The following POLR2F variants were observed in gnomAD, a reference collection of about 807,000 sequenced individuals.
The protein encoded by POLR2F is RNA polymerase II, I and III subunit F.
Under a neutral mutation model 22.7 loss-of-function variants are expected in POLR2F, and 12 were observed. That is an observed-to-expected ratio of 0.53 (90% CI 0.34 to 0.86). The LOEUF is 0.86. Among genes scored for constraint, POLR2F ranks in the 40% least tolerant of loss-of-function variants. The pLI is 0.02. For missense variants in POLR2F, 126 were observed against 171.5 expected, an observed-to-expected ratio of 0.73 and a Z score of 1.48; for synonymous variants, 57 against 66.0, an observed-to-expected ratio of 0.86 and a Z score of 0.66.
Position 38,009,081 on chromosome 22 carries a change from C to T in POLR2F, c.121-16788C>T, listed in dbSNP as rs143020942. On this transcript the variant is annotated intron_variant, in intron 1 of 2. Transcript: ENST00000333418. ...GAACATTCCAGACAGAAGGAACAAC[C>T]GTGCAGAGGCTCCAGGTGGGAGCGT... Among the ~76,000 whole-genome samples, 126 of 152,142 alleles carry T rather than the reference C, an allele frequency of 8.3e-4. 1 individual carries two copies. The East Asian group carries it at 0.011, about 13-fold the overall frequency.
downstream of POLR2F, among the ~76,000 whole-genome samples, chr22:38,028,934 T>A (rs1320678708): frequency 6.6e-6 from 1 of 152,212 alleles, no homozygotes; most frequent in Non-Finnish European, 1.5e-5. Context: ...AGCTCATTGA[T>A]GGGCACTTAT....
chr22:37,986,924 C>G lies in POLR2F; in HGVS notation c.120+612C>G, dbSNP rs1232739879. On this transcript the variant is annotated intron_variant, in intron 1 of 2. Coordinates refer to the POLR2F transcript ENST00000333418. This position sits in a 1 kb window ranked among gnomAD's most constrained non-coding sequence, Gnocchi z 4.7. The stretch of plus-strand genomic sequence containing the variant: ...AGGGGAGGGATCCTGGCTGAAGACA[C>G]CTGGGCCTCTGCCCCAGCAGGACAA... The G allele has an allele frequency of 2.2e-6, 1 of 452,576 alleles. No individual in the cohort carries two copies. The highest frequency in any genetic ancestry group is 1.6e-5 in the South Asian group (1 of 64,226). 28.0% of individuals were successfully genotyped at this position (452,576 alleles called of 1,614,324 possible). A position where few individuals can be genotyped will look rare whatever the true frequency, so the allele number is the denominator to read the frequency against.
intron 1 of POLR2F, among the ~76,000 whole-genome samples, chr22:37,991,284 GT>G (rs1008235865): frequency 1.3e-5 from 2 of 151,888 alleles, no homozygotes; most frequent in Non-Finnish European, 2.9e-5. Flanking sequence ...TGCCCGGCTA[GT>G]TTTTTGTATT....
At position 37,967,607 on chromosome 22, in the gene POLR2F, A is replaced by T; in HGVS notation, c.294-18A>T. On this transcript the variant is annotated intron_variant, in intron 4 of 4. Transcript: ENST00000442738. ...GGTCACCAGCCCTCATGTACTTGTG[A>T]CTTCTCCCCTGCCACAGGGCCCGAA... 1.2e-6 allele frequency: 2 copies of T among 1,612,760 alleles called. No homozygotes were observed. Among genetic ancestry groups the T allele is most frequent in the Non-Finnish European group, 1.7e-6 (2 of 1,179,446 alleles).
chr22:37,996,450 T>C (rs2084715023), intron 1 of POLR2F, among the ~76,000 whole-genome samples: 1 of 152,234 alleles, frequency 6.6e-6, no homozygotes, highest in Non-Finnish European at 1.5e-5. Flanking sequence ...GAAATCCAGT[T>C]CTGGGCAAAT....
intron 1 of POLR2F, among the ~76,000 whole-genome samples, chr22:38,020,200 C>CATAT (rs973242663): frequency 8.7e-6 from 1 of 114,844 alleles, no homozygotes; most frequent in East Asian, 2.8e-4. Flanking sequence ...TACACACACA[C>CATAT]ATATATACAC....
At chr22:37,998,043 G>A (rs956573322) in intron 1 of POLR2F, among the ~76,000 whole-genome samples, 4 of 152,214 alleles carry the variant, frequency 2.6e-5, no homozygotes, top group African/African-American at 9.6e-5. Context: ...GGAAGAGGCA[G>A]GGAGAGGGTG....
intron 1 of POLR2F, among the ~76,000 whole-genome samples, chr22:38,012,835 T>C (rs1274973796): frequency 6.6e-6 from 1 of 152,230 alleles, no homozygotes; most frequent in Non-Finnish European, 1.5e-5. Flanking sequence ...ACAGAGGTGA[T>C]TGCCCTATCA....
chr22:37,992,743 A>G (rs1317344634), intron 1 of POLR2F, among the ~76,000 whole-genome samples: 2 of 152,158 alleles, frequency 1.3e-5, no homozygotes, highest in Admixed American at 6.5e-5. Context: ...TCCTGTCAAA[A>G]TGCTGTCATC....
At chr22:37,969,630 T>C (rs907915940), downstream of POLR2F, among the ~76,000 whole-genome samples, 2 of 152,116 alleles carry the variant, frequency 1.3e-5, no homozygotes, top group Non-Finnish European at 2.9e-5. Context: ...GCAGGAGTAG[T>C]GAACAGACCA....
chr22:37,966,556 T>C (rs1358420408), intron 3 of POLR2F, among the ~76,000 whole-genome samples: 4 of 152,062 alleles, frequency 2.6e-5, no homozygotes, highest in Non-Finnish European at 4.4e-5. Context: ...GCGGATTGCT[T>C]GAGCCCAGGA....
intron 1 of POLR2F, among the ~76,000 whole-genome samples, chr22:37,955,849 A>AT (rs1931372892): frequency 6.7e-6 from 1 of 150,252 alleles, no homozygotes; most frequent in Admixed American, 6.7e-5. Context: ...CACCCGGCTA[A>AT]TTTTTTTGTA....
At chr22:37,983,901 C>T (rs1932490330), upstream of POLR2F, 1 of 893,412 alleles carries the variant, frequency 1.1e-6, no homozygotes, top group Non-Finnish European at 1.5e-6. The surrounding 1 kb of genome is among the most constrained non-coding windows in gnomAD (Gnocchi z 9.5). Context: ...GGAGCGGCCG[C>T]GCGCGCAGCC....
upstream of POLR2F, chr22:37,983,577 C>G (rs765329363): frequency 6.2e-7 from 1 of 1,610,218 alleles, no homozygotes; most frequent in African/African-American, 1.3e-5. This position sits in a 1 kb window ranked among gnomAD's most constrained non-coding sequence, Gnocchi z 9.5. Context: ...CGGATGCACA[C>G]GGGGAACTTG....
downstream of POLR2F, chr22:38,041,787 T>C (rs1420076584): frequency 1.3e-5 from 2 of 152,412 alleles, no homozygotes; most frequent in East Asian, 1.9e-4. Context: ...GATGAAAATA[T>C]TCTAAAATGA....
Position 37,960,543 on chromosome 22 carries a change from G to A in POLR2F, c.221+1067G>A, listed in dbSNP as rs192663437. Among the ~76,000 whole-genome samples the A allele has an allele frequency of 6.0e-3, 907 of 152,176 alleles. 5 individuals carry two copies. The highest frequency in any genetic ancestry group is 0.021 in the African/African-American group (858 of 41,520). ...CTCCAGAGTAGCTGGGACTACAGGC[G>A]CCCGCCACCGTGCCCAGCTAGCTTT... is the stretch of plus-strand genomic sequence containing the variant. On this transcript the variant is annotated intron_variant, in intron 3 of 4. Transcript: ENST00000442738.
At chr22:38,014,517 ATTT>A (rs777065352) in intron 1 of POLR2F, among the ~76,000 whole-genome samples, 1 of 138,846 alleles carries the variant, frequency 7.2e-6, no homozygotes. Flanking sequence ...CGCCCGGCTA[ATTT>A]TTTTTTTTTT....
chr22:38,018,534 C>G (rs143303895), intron 1 of POLR2F, among the ~76,000 whole-genome samples: 1 of 152,274 alleles, frequency 6.6e-6, no homozygotes, highest in East Asian at 1.9e-4. Flanking sequence ...CAGGCTATCA[C>G]CGAATTCTGA....
chr22:38,013,393 A>G (rs7285487), intron 1 of POLR2F, among the ~76,000 whole-genome samples: 5,318 of 152,136 alleles, frequency 0.035, 301 homozygotes, highest in African/African-American at 0.12. Context: ...TGATCCACCC[A>G]CCTTGGCCTC....
Sources: gnomAD v4.1 joint callset for allele counts (sites outside exome capture counted in the v4.1 genomes callset) on GRCh38, gnomAD v4.1.1 for gene constraint, Gnocchi (gnomAD v3.1) non-coding constraint, MANE v1.5 for transcripts, NCBI Gene and HGNC (gene_info 2026-07-23, HGNC 2026-07-21) for gene names.